Variants in HIVEP1 observed in about 807,000 individuals in gnomAD.
The protein encoded by HIVEP1 is HIVEP zinc finger 1, also known as zinc finger protein 40.
Under a neutral mutation model 180.0 loss-of-function variants are expected in HIVEP1, and 36 were observed. The observed-to-expected ratio is 0.20, with a 90% CI of 0.15 to 0.26. The LOEUF (loss-of-function observed/expected upper bound fraction) is 0.26, where lower values mean the gene tolerates loss of function less well. HIVEP1 is among the 10% of genes least tolerant of loss of function. The pLI is 1.00. For missense variants in HIVEP1, 3,143 were observed against 3,268.7 expected (o/e 0.96, Z 0.94); for synonymous variants, 1,239 against 1,239.0 (o/e 1.00, Z 0.00).
chr6:12,205,152 A>G, the HIVEP1 span, among the ~76,000 whole-genome samples: 51 of 152,220 alleles, frequency 3.4e-4, no homozygotes, highest in African/African-American at 8.7e-4. Flanking sequence ...TCTCCCTCTG[A>G]GTCAAATGGG....
At chr6:12,036,985 AG>A (rs1187133528) in intron 2 of HIVEP1, among the ~76,000 whole-genome samples, 1 of 152,198 alleles carries the variant, frequency 6.6e-6, no homozygotes, top group African/African-American at 2.4e-5. Context: ...GAGAATGAAT[AG>A]GAGTTGGCCA....
chr6:12,116,584 T>TCC (rs1261148712), intron 3 of HIVEP1, among the ~76,000 whole-genome samples: 1 of 151,768 alleles, frequency 6.6e-6, no homozygotes, highest in African/African-American at 2.4e-5. Context: ...TGATCCAAGG[T>TCC]CCAGGGTCAT....
At chr6:12,102,570 A>C (rs1774173838) in intron 3 of HIVEP1, among the ~76,000 whole-genome samples, 1 of 152,244 alleles carries the variant, frequency 6.6e-6, no homozygotes, top group Non-Finnish European at 1.5e-5. Context: ...CATTGCTGTC[A>C]TACTGATAAC....
At chr6:12,173,515 A>G in the HIVEP1 span, among the ~76,000 whole-genome samples, 2 of 152,204 alleles carry the variant, frequency 1.3e-5, no homozygotes, top group Non-Finnish European at 2.9e-5. Context: ...TGTTCTGTTT[A>G]GCAGATGATC....
chr6:12,209,395 T>G, the HIVEP1 span, among the ~76,000 whole-genome samples: 1 of 152,228 alleles, frequency 6.6e-6, no homozygotes, highest in African/African-American at 2.4e-5. Context: ...ATAGCACCGC[T>G]GCACTCCAGC....
chr6:12,113,228 G>T (rs935532391), intron 3 of HIVEP1, among the ~76,000 whole-genome samples: 3 of 150,714 alleles, frequency 2.0e-5, no homozygotes, highest in Non-Finnish European at 3.0e-5. Flanking sequence ...TGTAAAGAAG[G>T]GTGGGGTGGG....
the HIVEP1 span, among the ~76,000 whole-genome samples, chr6:12,197,501 C>T: frequency 6.9e-6 from 1 of 144,546 alleles, no homozygotes; most frequent in African/African-American, 2.6e-5. Context: ...TGCAGTGAGC[C>T]GAGGTCGAGC....
intron 2 of HIVEP1, among the ~76,000 whole-genome samples, chr6:12,088,921 A>G (rs1773280987): frequency 1.3e-5 from 2 of 152,168 alleles, no homozygotes; most frequent in South Asian, 2.1e-4. Context: ...TTAAAGCTGT[A>G]GTTCAGTATC....
intron 2 of HIVEP1, among the ~76,000 whole-genome samples, chr6:12,018,847 CAGAG>C (rs779385449): frequency 7.2e-5 from 11 of 152,250 alleles, no homozygotes; most frequent in African/African-American, 2.4e-4. Context: ...GAGAAGGAGA[CAGAG>C]AGGCAGGATA....
At chr6:12,167,640 C>CATGTTATATTACATTTAT (rs1562023596), downstream of HIVEP1, among the ~76,000 whole-genome samples, 1 of 95,758 alleles carries the variant, frequency 1.0e-5, no homozygotes, top group African/African-American at 6.5e-5. Flanking sequence ...GTTATATATA[C>CATGTTATATTACATTTAT]ATATACATAT....
chr6:12,210,280 A>C, the HIVEP1 span, among the ~76,000 whole-genome samples: 1 of 152,240 alleles, frequency 6.6e-6, no homozygotes, highest in Non-Finnish European at 1.5e-5. Flanking sequence ...ACTGGATTAC[A>C]AAGCACGTTA....
rs750355399 is a variant in HIVEP1 at position 12,121,912 on chromosome 6, G to A, written c.2117G>A (p.Ser706Asn). 24 of 1,614,174 alleles carry A rather than the reference G, an allele frequency of 1.5e-5. No homozygotes were observed. The highest frequency in any genetic ancestry group is 2.0e-5 in the Non-Finnish European group (24 of 1,180,022). ...LPSTEQDSGR[S>N]NGPSAALVTT... ...AGCACAGAACAAGACTCTGGAAGGA[G>A]TAACGGACCCTCTGCAGCTCTTGTC... Residue 706 changes from serine to asparagine, a missense_variant, in exon 4 of 9, where the codon AGT becomes AAT. Physicochemically the swap from Ser to Asn is conservative, Grantham distance 46. Transcript: ENST00000379388. The surrounding 1 kb of genome is among the most constrained non-coding windows in gnomAD (Gnocchi z 5.3).
chr6:12,199,907 T>C, the HIVEP1 span, among the ~76,000 whole-genome samples: 1 of 152,168 alleles, frequency 6.6e-6, no homozygotes, highest in South Asian at 2.1e-4. Context: ...CTGTCTGTGG[T>C]GGGGCACAGA....
chr6:12,070,388 A>C (rs1263377183), intron 2 of HIVEP1, among the ~76,000 whole-genome samples: 1 of 152,146 alleles, frequency 6.6e-6, no homozygotes, highest in Non-Finnish European at 1.5e-5. Context: ...AAATATCACT[A>C]GGCAATATGG....
chr6:12,167,675 T>TATATAC (rs1760755904), downstream of HIVEP1, among the ~76,000 whole-genome samples: 3 of 21,500 alleles, frequency 1.4e-4, no homozygotes, highest in Admixed American at 4.8e-4. Flanking sequence ...CATATATACA[T>TATATAC]ATATGTGTAT....
chr6:12,119,110 GAA>G (rs1209627410), intron 3 of HIVEP1, among the ~76,000 whole-genome samples: 3 of 152,222 alleles, frequency 2.0e-5, no homozygotes, highest in African/African-American at 4.8e-5. Flanking sequence ...TTTATAGAGA[GAA>G]AGATTAATGG....
chr6:12,016,199 T>C (rs368046927), intron 2 of HIVEP1, among the ~76,000 whole-genome samples: 9 of 152,228 alleles, frequency 5.9e-5, no homozygotes, highest in Admixed American at 1.3e-4. Context: ...GTCACAAATA[T>C]ATATATGATA....
At chr6:12,065,151 CTG>C (rs1374557232) in intron 2 of HIVEP1, among the ~76,000 whole-genome samples, 1 of 152,192 alleles carries the variant, frequency 6.6e-6, no homozygotes, top group Non-Finnish European at 1.5e-5. Context: ...AGGCAAGAAA[CTG>C]TTACTTTCCT....
At chr6:12,087,090 G>A (rs1005835400) in intron 2 of HIVEP1, among the ~76,000 whole-genome samples, 3 of 151,956 alleles carry the variant, frequency 2.0e-5, no homozygotes, top group Admixed American at 1.3e-4. Context: ...CATTTGAGGA[G>A]GTACTTATTA....
Sources: allele counts gnomAD v4.1 joint callset (sites outside exome capture counted in the v4.1 genomes callset), GRCh38; gene constraint gnomAD v4.1.1; non-coding constraint Gnocchi (gnomAD v3.1); transcripts MANE v1.5; gene names NCBI Gene and HGNC (gene_info 2026-07-23, HGNC 2026-07-21).